STX8: variants seen among roughly 807,000 people sequenced by gnomAD.
The protein encoded by STX8 is syntaxin-8.
A neutral mutation model predicts 37.5 loss-of-function variants in STX8; 23 were observed. The ratio of observed to expected loss-of-function variants is 0.61; its 90% CI spans 0.44 to 0.87. The LOEUF is 0.87. Among genes scored for constraint, STX8 ranks in the 40% least tolerant of loss-of-function variants. STX8 has a pLI of 0.00. For synonymous variants in STX8, 115 were observed against 99.1 expected, an observed-to-expected ratio of 1.16 and a Z score of -0.95; for missense variants, 313 against 284.7, an observed-to-expected ratio of 1.10 and a Z score of -0.71.
rs534475818 is a variant in STX8 at position 9,480,895 on chromosome 17, T to TTTCTTTC, written c.541+10933_541+10934insGAAAGAA. Among the ~76,000 whole-genome samples the TTTCTTTC allele has an allele frequency of 2.5e-3, 376 of 151,162 alleles. 1 individual carries two copies. The highest frequency in any genetic ancestry group is 8.9e-3 in the African/African-American group (361 of 40,664). On this transcript the variant is annotated intron_variant, in intron 6 of 7. Transcript: ENST00000306357. ...GCCAATTTCTTTCTTTCTTTCTTTC[T>TTTCTTTC]TTTTTTTGAGGTGGAGCCTTGCTCT... is the stretch of plus-strand genomic sequence containing the variant.
chr17:9,357,410 C>A (rs1381438420), intron 7 of STX8, among the ~76,000 whole-genome samples: 1 of 152,098 alleles, frequency 6.6e-6, no homozygotes. Flanking sequence ...AAAAGACTGG[C>A]CAGGCACGGT....
chr17:9,337,322 GCCAA>G (rs1910170464), intron 7 of STX8, among the ~76,000 whole-genome samples: 1 of 151,958 alleles, frequency 6.6e-6, no homozygotes, highest in Non-Finnish European at 1.5e-5. Flanking sequence ...TAGAGGATGA[GCCAA>G]GTAGTATACT....
At chr17:9,564,585 C>T (rs1907381549) in intron 2 of STX8, among the ~76,000 whole-genome samples, 1 of 152,140 alleles carries the variant, frequency 6.6e-6, no homozygotes, top group African/African-American at 2.4e-5. Context: ...AGGGCCAAAT[C>T]AGGAATGCAC....
At chr17:9,284,999 T>G (rs1162913873) in intron 7 of STX8, among the ~76,000 whole-genome samples, 2 of 152,172 alleles carry the variant, frequency 1.3e-5, no homozygotes, top group East Asian at 3.8e-4. Flanking sequence ...ATCTTAAGTT[T>G]TCTGGAATAC....
intron 4 of STX8, among the ~76,000 whole-genome samples, chr17:9,540,183 T>G (rs1906221715): frequency 6.6e-6 from 1 of 152,170 alleles, no homozygotes; most frequent in African/African-American, 2.4e-5. Context: ...CTTCCAGCAG[T>G]CCACTTCAGC....
chr17:9,540,357 T>C (rs1267159428), intron 4 of STX8, among the ~76,000 whole-genome samples: 1 of 152,196 alleles, frequency 6.6e-6, no homozygotes, highest in Non-Finnish European at 1.5e-5. Flanking sequence ...GAGAGTGCTT[T>C]TGTCTAGTAT....
At chr17:9,396,937 G>A (rs1479298024) in intron 6 of STX8, among the ~76,000 whole-genome samples, 1 of 152,192 alleles carries the variant, frequency 6.6e-6, no homozygotes, top group Non-Finnish European at 1.5e-5. Context: ...AATGAGGTAG[G>A]AAGAGAAGGT....
chr17:9,496,380 T>C (rs1421548209), intron 5 of STX8, among the ~76,000 whole-genome samples: 1 of 152,158 alleles, frequency 6.6e-6, no homozygotes, highest in Non-Finnish European at 1.5e-5. Flanking sequence ...CCAGCCACCA[T>C]GTACTTTCTT....
chr17:9,334,505 G>A (rs564610176), intron 7 of STX8, among the ~76,000 whole-genome samples: 21 of 152,280 alleles, frequency 1.4e-4, no homozygotes, highest in East Asian at 7.7e-4. Flanking sequence ...AGATGGAGTC[G>A]TTTAAATTGG....
chr17:9,430,616 C>T (rs1913922198), intron 6 of STX8, among the ~76,000 whole-genome samples: 6 of 149,662 alleles, frequency 4.0e-5, no homozygotes, highest in Non-Finnish European at 8.9e-5. Context: ...ACACATTCAT[C>T]TGTTGACGGA....
At chr17:9,285,046 C>A (rs553071756) in intron 7 of STX8, among the ~76,000 whole-genome samples, 2 of 152,076 alleles carry the variant, frequency 1.3e-5, no homozygotes, top group Non-Finnish European at 2.9e-5. Flanking sequence ...GCCCCACCCC[C>A]CTGGAGATTC....
chr17:9,429,456 C>A (rs1304500021), intron 6 of STX8, among the ~76,000 whole-genome samples: 1 of 144,518 alleles, frequency 6.9e-6, no homozygotes, highest in African/African-American at 2.5e-5. Context: ...GTAATCCCAG[C>A]ACTTTGGGAG....
chr17:9,517,779 C>T (rs552296213), intron 4 of STX8, among the ~76,000 whole-genome samples: 1 of 110,166 alleles, frequency 9.1e-6, no homozygotes, highest in African/African-American at 3.6e-5. Context: ...CAAAGCAAGA[C>T]CCCTATTGTA....
At chr17:9,522,204 C>CA (rs1309583824) in intron 4 of STX8, among the ~76,000 whole-genome samples, 3 of 151,962 alleles carry the variant, frequency 2.0e-5, no homozygotes, top group Non-Finnish European at 4.4e-5. Context: ...GGGTGATACA[C>CA]AAAAAACAAG....
chr17:9,454,154 G>A (rs12946817), intron 6 of STX8, among the ~76,000 whole-genome samples: 32,057 of 152,014 alleles, frequency 0.21, 3,816 homozygotes, highest in Middle Eastern at 0.33. Context: ...AGTAGTCCCC[G>A]CTTGTCCTCA....
At chr17:9,449,570 T>C (rs957325781) in intron 6 of STX8, among the ~76,000 whole-genome samples, 3 of 151,754 alleles carry the variant, frequency 2.0e-5, no homozygotes, top group Non-Finnish European at 2.9e-5. Context: ...CAAAAATAAA[T>C]AAACAAACAA....
intron 7 of STX8, among the ~76,000 whole-genome samples, chr17:9,296,396 G>A (rs1454188623): frequency 2.0e-5 from 3 of 151,996 alleles, no homozygotes; most frequent in African/African-American, 4.8e-5. Flanking sequence ...TACTTGGGAG[G>A]CTGTGGCAGG....
At chr17:9,552,352 GA>G (rs1470685205) in intron 3 of STX8, among the ~76,000 whole-genome samples, 6 of 151,966 alleles carry the variant, frequency 3.9e-5, no homozygotes, top group Non-Finnish European at 5.9e-5. Context: ...TAAAAAGTCA[GA>G]AAAAAAGTTC....
At chr17:9,408,860 C>A (rs139907133) in intron 6 of STX8, among the ~76,000 whole-genome samples, 1 of 152,066 alleles carries the variant, frequency 6.6e-6, no homozygotes, top group African/African-American at 2.4e-5. Flanking sequence ...CCTAAGTCTA[C>A]GTGAGGGTCC....
Sources: allele counts gnomAD v4.1 joint callset (sites outside exome capture counted in the v4.1 genomes callset), GRCh38; gene constraint gnomAD v4.1.1; transcripts MANE v1.5; gene names NCBI Gene and HGNC (gene_info 2026-07-23, HGNC 2026-07-21).